Variants in ZBTB7C observed in about 807,000 individuals in gnomAD.
ZBTB7C encodes the protein zinc finger and BTB domain containing 7C.
Under a neutral mutation model 25.7 loss-of-function variants are expected in ZBTB7C, and 8 were observed. The ratio of observed to expected loss-of-function variants is 0.31; its 90% CI spans 0.18 to 0.56. The LOEUF is 0.56. Among genes scored for constraint, ZBTB7C ranks in the 20% least tolerant of loss-of-function variants. The probability of loss-of-function intolerance (pLI) is 0.91; values close to 1 mark genes in which losing one functional copy is unlikely to be tolerated. For missense variants in ZBTB7C, 824 were observed against 855.2 expected, an observed-to-expected ratio of 0.96 and a Z score of 0.46; for synonymous variants, 394 against 369.0, an observed-to-expected ratio of 1.07 and a Z score of -0.78.
intron 2 of ZBTB7C, among the ~76,000 whole-genome samples, chr18:48,313,466 C>T (rs1236394569): frequency 1.3e-5 from 2 of 152,194 alleles, no homozygotes; most frequent in African/African-American, 4.8e-5. Context: ...AACCCCCTCC[C>T]CTGCTCCCCA....
chr18:48,077,499 A>G lies in ZBTB7C; in HGVS notation c.-16-36376T>C, dbSNP rs553059031. Reference sequence around the variant, plus strand: ...GGGCGTGTGGGGCACACCCTATCCAACTTGGCGAGTCTGAGCCTAGTACAG... The same window carrying G: ...GGGCGTGTGGGGCACACCCTATCCAGCTTGGCGAGTCTGAGCCTAGTACAG... On this transcript the variant is annotated intron_variant, in intron 3 of 4. Transcript: ENST00000590800. Among the ~76,000 whole-genome samples the G allele has an allele frequency of 2.0e-5, 3 of 152,354 alleles. No homozygotes were observed. The South Asian group carries it at 6.2e-4, about 32-fold the overall frequency.
At chr18:48,369,533 G>C (rs574558453) in intron 1 of ZBTB7C, among the ~76,000 whole-genome samples, 1 of 152,042 alleles carries the variant, frequency 6.6e-6, no homozygotes, top group East Asian at 1.9e-4. Context: ...ATATAGGCAG[G>C]TTACAAGTAA....
At chr18:48,034,305 C>G (rs1324808133) in intron 4 of ZBTB7C, among the ~76,000 whole-genome samples, 1 of 152,156 alleles carries the variant, frequency 6.6e-6, no homozygotes, top group Non-Finnish European at 1.5e-5. Context: ...CTCTGGGCAA[C>G]TCTGCATCTT....
intron 3 of ZBTB7C, among the ~76,000 whole-genome samples, chr18:48,073,479 GAAAC>G (rs2037633286): frequency 6.6e-6 from 1 of 152,130 alleles, no homozygotes; most frequent in Non-Finnish European, 1.5e-5. Context: ...TGGGGTGCAG[GAAAC>G]AATGCAAACA....
chr18:48,149,620 T>C (rs2040608522), intron 3 of ZBTB7C: 2 of 152,044 alleles, frequency 1.3e-5, no homozygotes, highest in Admixed American at 1.3e-4. Context: ...GCTTGTAGGA[T>C]GGATGGGGGA....
intron 3 of ZBTB7C, among the ~76,000 whole-genome samples, chr18:48,128,412 G>A (rs1324947882): frequency 6.6e-6 from 1 of 152,210 alleles, no homozygotes; most frequent in East Asian, 1.9e-4. Flanking sequence ...CATTAGAAAT[G>A]TCTGCTGGCC....
At chr18:48,262,248 G>C (rs1020030188) in intron 2 of ZBTB7C, among the ~76,000 whole-genome samples, 2 of 152,204 alleles carry the variant, frequency 1.3e-5, no homozygotes, top group Non-Finnish European at 2.9e-5. Context: ...AAGCTCCCTG[G>C]CTCATGGTCT....
At chr18:48,171,130 G>C (rs1370960065) in intron 3 of ZBTB7C, among the ~76,000 whole-genome samples, 2 of 152,264 alleles carry the variant, frequency 1.3e-5, no homozygotes, top group African/African-American at 4.8e-5. Flanking sequence ...GATGGCACCA[G>C]GTCTCACTTA....
intron 3 of ZBTB7C, among the ~76,000 whole-genome samples, chr18:48,122,062 G>C (rs2039649429): frequency 6.6e-6 from 1 of 152,200 alleles, no homozygotes; most frequent in Non-Finnish European, 1.5e-5. Context: ...CCAGGCTCCT[G>C]CAGCCGAGCC....
At chr18:48,112,428 CCCCTG>C in intron 3 of ZBTB7C, among the ~76,000 whole-genome samples, 2 of 151,902 alleles carry the variant, frequency 1.3e-5, no homozygotes, top group South Asian at 4.2e-4. Flanking sequence ...CTCACCACAA[CCCCTG>C]CCCTCCTGGG....
chr18:48,121,023 T>A (rs942231186), intron 3 of ZBTB7C, among the ~76,000 whole-genome samples: 2 of 152,248 alleles, frequency 1.3e-5, no homozygotes, highest in African/African-American at 4.8e-5. Context: ...CAGGCACAAG[T>A]CCCCAGAGCT....
intron 2 of ZBTB7C, among the ~76,000 whole-genome samples, chr18:48,326,688 G>T (rs986943132): frequency 1.3e-5 from 2 of 152,204 alleles, no homozygotes; most frequent in Non-Finnish European, 2.9e-5. Context: ...AAAGCAAGTT[G>T]CAGTACAGAG....
At chr18:48,180,898 T>C (rs954487433) in intron 3 of ZBTB7C, among the ~76,000 whole-genome samples, 5 of 152,250 alleles carry the variant, frequency 3.3e-5, no homozygotes, top group African/African-American at 1.2e-4. Flanking sequence ...TTAGTCTTGA[T>C]GCAGTCCATT....
chr18:48,250,348 T>C (rs2043812084), intron 2 of ZBTB7C, among the ~76,000 whole-genome samples: 1 of 152,166 alleles, frequency 6.6e-6, no homozygotes, highest in African/African-American at 2.4e-5. Context: ...AACAAGTTAG[T>C]TAAACTCTCT....
At chr18:48,141,571 G>GC (rs11392479) in intron 3 of ZBTB7C, among the ~76,000 whole-genome samples, 1 of 152,030 alleles carries the variant, frequency 6.6e-6, no homozygotes, top group Non-Finnish European at 1.5e-5. Context: ...GGGCGGGGGG[G>GC]AAAGTAACCC....
At chr18:48,257,969 GGCTCCAGTGAGCTATGATT>G (rs1391846109) in intron 2 of ZBTB7C, among the ~76,000 whole-genome samples, 1 of 152,142 alleles carries the variant, frequency 6.6e-6, no homozygotes, top group African/African-American at 2.4e-5. Flanking sequence ...AGGAGTTCAA[GGCTCCAGTGAGCTATGATT>G]GCACCACTGC....
chr18:48,162,492 T>G (rs1162530521), intron 3 of ZBTB7C: 3 of 431,404 alleles, frequency 7.0e-6, no homozygotes, highest in Non-Finnish European at 1.4e-5. Context: ...TTGTTACTAT[T>G]ATTACCTCTT....
chr18:48,203,801 G>C lies in ZBTB7C; in HGVS notation c.-78-17806C>G, dbSNP rs1181586269. 5.3e-5 allele frequency among the ~76,000 whole-genome samples: 8 copies of C among 152,182 alleles called. No individual in the cohort carries two copies. The East Asian group carries it at 1.5e-3, about 29-fold the overall frequency. On this transcript the variant is annotated intron_variant, in intron 2 of 4. Transcript: ENST00000590800. ...TTACATCCCCAGCACCCAGCCCAGA[G>C]CCTGGCACAAGGGAGTTGCTTGAGA...
intron 1 of ZBTB7C, among the ~76,000 whole-genome samples, chr18:48,400,684 A>G (rs2048137065): frequency 6.6e-6 from 1 of 152,236 alleles, no homozygotes; most frequent in African/African-American, 2.4e-5. Context: ...TTGAAGTATG[A>G]CCAGTGTTAC....
Sources: allele counts gnomAD v4.1 joint callset (sites outside exome capture counted in the v4.1 genomes callset), GRCh38; gene constraint gnomAD v4.1.1; transcripts MANE v1.5; gene names NCBI Gene and HGNC (gene_info 2026-07-23, HGNC 2026-07-21).